Variants in ZNF215 observed in about 807,000 individuals in gnomAD.
The protein encoded by ZNF215 is zinc finger protein 215.
ZNF215 carries 24 observed loss-of-function variants against 27.2 expected under a neutral mutation model. The observed-to-expected ratio is 0.88, with a 90% CI of 0.64 to 1.24. The LOEUF is 1.24. ZNF215 is among the 50% of genes most tolerant of loss of function. The pLI is 0.00. For missense variants in ZNF215, 675 were observed against 605.7 expected, an observed-to-expected ratio of 1.11 and a Z score of -1.20; for synonymous variants, 210 against 204.0, an observed-to-expected ratio of 1.03 and a Z score of -0.25.
chr11:6,987,326 C>T (rs1851069143), downstream of ZNF215, among the ~76,000 whole-genome samples: 1 of 152,056 alleles, frequency 6.6e-6, no homozygotes, highest in African/African-American at 2.4e-5. Context: ...ACATTGGGTA[C>T]ACATGATCAT....
intron 3 of ZNF215, among the ~76,000 whole-genome samples, chr11:6,933,326 C>G (rs1849325897): frequency 1.3e-5 from 2 of 152,198 alleles, no homozygotes; most frequent in African/African-American, 2.4e-5. Context: ...AGGTGTAATA[C>G]TTTAATTATG....
chr11:6,948,924 G>T, intron 6 of ZNF215, among the ~76,000 whole-genome samples: 1 of 118,476 alleles, frequency 8.4e-6, no homozygotes, highest in East Asian at 2.5e-4. Flanking sequence ...AACAGTCCCA[G>T]AGTGTGATGT....
intron 6 of ZNF215, among the ~76,000 whole-genome samples, chr11:6,953,047 A>G (rs890703672): frequency 7.9e-5 from 12 of 152,192 alleles, no homozygotes; most frequent in Non-Finnish European, 1.3e-4. Flanking sequence ...TTGTTTAAGA[A>G]TGTTGAATAT....
At chr11:6,942,782 T>G (rs1849674539) in intron 4 of ZNF215, among the ~76,000 whole-genome samples, 1 of 152,224 alleles carries the variant, frequency 6.6e-6, no homozygotes, top group Non-Finnish European at 1.5e-5. Flanking sequence ...AGTAATTTTT[T>G]GTTCTACAGT....
At chr11:6,931,481 A>G (rs1470372600) in intron 2 of ZNF215, among the ~76,000 whole-genome samples, 2 of 152,232 alleles carry the variant, frequency 1.3e-5, no homozygotes, top group African/African-American at 4.8e-5. Flanking sequence ...TAGTCTTGCA[A>G]GTCTAAATGT....
rs765825384 is a variant in ZNF215 at position 6,955,877 on chromosome 11, T to C, written c.900T>C (p.Asp300=). ...IPETIYTEEE[D]FECSENKKSF... ...AGACAATTTACACTGAGGAGGAAGA[T>C]TTTGAATGTAGTGAAAATAAGAAAA... The change falls in exon 7 of 7, where the codon GAT becomes GAC. Residue 300 remains aspartate, a synonymous_variant. Transcript: ENST00000278319. 1.2e-6 allele frequency: 2 copies of C among 1,610,518 alleles called. No homozygotes were observed. Among genetic ancestry groups the C allele is most frequent in the South Asian group, 1.1e-5 (1 of 89,948 alleles).
At chr11:6,937,394 G>A (rs927332678) in intron 3 of ZNF215, among the ~76,000 whole-genome samples, 5 of 151,154 alleles carry the variant, frequency 3.3e-5, no homozygotes, top group Non-Finnish European at 5.9e-5. Context: ...TAAATCCTGC[G>A]TTCATGTATT....
downstream of ZNF215, among the ~76,000 whole-genome samples, chr11:6,961,593 T>G (rs532211853): frequency 6.6e-6 from 1 of 152,142 alleles, no homozygotes; most frequent in Non-Finnish European, 1.5e-5. Context: ...TGCAACACTT[T>G]ATGTTGAGTA....
At chr11:6,943,485 A>G in intron 5 of ZNF215, 61 bp from the exon 6 acceptor site, 1 of 1,459,384 alleles carries the variant, frequency 6.9e-7, no homozygotes, top group Non-Finnish European at 9.5e-7. Context: ...TTCTCTATAA[A>G]AATGTCTGAA....
chr11:6,954,530 A>T (rs1029408440), intron 6 of ZNF215, among the ~76,000 whole-genome samples: 10 of 152,056 alleles, frequency 6.6e-5, no homozygotes, highest in Non-Finnish European at 1.3e-4. Flanking sequence ...TGGGTGTAGG[A>T]CCCGAGCCAG....
chr11:6,955,331 A>G (rs1360023995), intron 6 of ZNF215, among the ~76,000 whole-genome samples: 1 of 152,232 alleles, frequency 6.6e-6, no homozygotes, highest in Non-Finnish European at 1.5e-5. Context: ...CTTGGGATAA[A>G]CAAGATGCTA....
chr11:6,989,137 C>T (rs1246202462), downstream of ZNF215, among the ~76,000 whole-genome samples: 2 of 100,308 alleles, frequency 2.0e-5, no homozygotes, highest in Admixed American at 3.2e-4. Context: ...GCCTGGGTGA[C>T]AGAGATCCGT....
At chr11:6,977,127 C>G (rs529035141) in intron 5 of ZNF215, among the ~76,000 whole-genome samples, 11 of 152,008 alleles carry the variant, frequency 7.2e-5, no homozygotes, top group African/African-American at 2.4e-4. Context: ...TTCCAAATAC[C>G]TCAAATGTGA....
intron 5 of ZNF215, among the ~76,000 whole-genome samples, chr11:6,968,852 C>T (rs1008011328): frequency 1.3e-5 from 2 of 151,680 alleles, no homozygotes; most frequent in Admixed American, 6.6e-5. Flanking sequence ...GGCAACAGAG[C>T]GAGACCCCAT....
downstream of ZNF215, among the ~76,000 whole-genome samples, chr11:6,984,826 T>G (rs1851028603): frequency 6.9e-6 from 1 of 145,000 alleles, no homozygotes; most frequent in Non-Finnish European, 1.5e-5. Context: ...TTCACAATCT[T>G]TTACATTTCT....
chr11:6,982,433 C>G lies in ZNF215; in HGVS notation c.806-1696C>G, dbSNP rs56111244. Among the ~76,000 whole-genome samples the G allele has an allele frequency of 1.7e-3, 259 of 150,904 alleles. 1 individual carries two copies. The highest frequency in any genetic ancestry group is 5.0e-3 in the African/African-American group (209 of 41,420). On this transcript the variant is annotated intron_variant, in intron 5 of 5. Transcript: ENST00000529903. Reference sequence around the variant, plus strand: ...TAATAGACATCTACAGAACTCTCCACCCCAAATCAACAGAATGTACATTTT... The same window carrying G: ...TAATAGACATCTACAGAACTCTCCAGCCCAAATCAACAGAATGTACATTTT...
intron 5 of ZNF215, among the ~76,000 whole-genome samples, chr11:6,977,309 G>T (rs1850853418): frequency 6.6e-6 from 1 of 152,038 alleles, no homozygotes; most frequent in Non-Finnish European, 1.5e-5. Flanking sequence ...AGCACAGGAT[G>T]TGAATGATCC....
At chr11:6,962,909 AT>A (rs1179606342), downstream of ZNF215, among the ~76,000 whole-genome samples, 1 of 152,062 alleles carries the variant, frequency 6.6e-6, no homozygotes, top group Non-Finnish European at 1.5e-5. Context: ...TGCATCAGCT[AT>A]CACCTATATT....
At chr11:6,978,310 A>T (rs1850875699) in intron 5 of ZNF215, among the ~76,000 whole-genome samples, 1 of 152,096 alleles carries the variant, frequency 6.6e-6, no homozygotes. Context: ...TAGAAGAGAA[A>T]ATAATCTATG....
Sources: allele counts gnomAD v4.1 joint callset (sites outside exome capture counted in the v4.1 genomes callset), GRCh38; gene constraint gnomAD v4.1.1; transcripts MANE v1.5; gene names NCBI Gene and HGNC (gene_info 2026-07-23, HGNC 2026-07-21).